SNAPC1: variants seen among roughly 807,000 people sequenced by gnomAD.
The protein encoded by SNAPC1 is snRNA-activating protein complex subunit 1.
Under a neutral mutation model 50.1 loss-of-function variants are expected in SNAPC1, and 42 were observed. The observed-to-expected ratio is 0.84, with a 90% CI of 0.65 to 1.08. SNAPC1 has a LOEUF of 1.08. Among genes scored for constraint, SNAPC1 ranks in the 50% least tolerant of loss-of-function variants. SNAPC1 has a pLI of 0.00. For synonymous variants in SNAPC1, 164 were observed against 144.2 expected (o/e 1.14, Z -0.98); for missense variants, 477 against 427.3 (o/e 1.12, Z -1.02).
In SNAPC1 at chr14:61,762,520, G is replaced by A. The variant is rs1438966350; in HGVS notation, c.60G>A (p.Glu20=). The change falls in exon 1 of 10, where the codon GAG becomes GAA. Residue 20 remains glutamate, a synonymous_variant. Transcript: ENST00000216294. ...DCEALLSRFQ[E]TDSVRFEDFT... Reference sequence around the variant, plus strand: ...AGGCGCTGCTCAGCCGCTTCCAGGAGACGGACAGTGTACGCTTCGAGGACT... The same window carrying A: ...AGGCGCTGCTCAGCCGCTTCCAGGAAACGGACAGTGTACGCTTCGAGGACT... 4.8e-6 allele frequency: 7 copies of A among 1,448,252 alleles called. No individual in the cohort carries two copies. The African/African-American group carries it at 8.2e-5, about 17-fold the overall frequency. 89.7% of individuals were successfully genotyped at this position (1,448,252 alleles called of 1,614,324 possible).
chr14:61,795,050 A>G lies in SNAPC1; in HGVS notation c.*67A>G, dbSNP rs546099976. ...AGAAGAAAAGATTGATATTTTGTGT[A>G]TTGAACAGGAAGACTGCCAGTATTA... On this transcript the variant is annotated 3_prime_UTR_variant, in exon 10 of 10. Coordinates refer to ENST00000216294, the MANE Select transcript of SNAPC1 (RefSeq NM_003082.4). 6 of 1,087,806 alleles carry G rather than the reference A, an allele frequency of 5.5e-6. No individual in the cohort carries two copies. In the Admixed American group the frequency reaches 1.5e-4, roughly 27 times the overall value. The allele number at this position is 1,087,806 out of a possible 1,614,324, so 67.4% of individuals were successfully genotyped here. A position where few individuals can be genotyped will look rare whatever the true frequency, so the allele number is the denominator to read the frequency against.
intron 5 of SNAPC1, 64 bp from the exon 6 acceptor site, chr14:61,778,008 G>A (rs1024677652): frequency 3.1e-5 from 22 of 712,966 alleles, no homozygotes; most frequent in Non-Finnish European, 4.5e-5. Flanking sequence ...AAATTGATTT[G>A]CAGTTAATTG....
At chr14:61,784,947 A>G (rs1480245376) in intron 8 of SNAPC1, among the ~76,000 whole-genome samples, 1 of 152,204 alleles carries the variant, frequency 6.6e-6, no homozygotes, top group Non-Finnish European at 1.5e-5. Context: ...AAAAAATTCT[A>G]AAGAGAATTT....
chr14:61,769,250 G>A (rs986940281), intron 4 of SNAPC1, among the ~76,000 whole-genome samples: 4 of 151,864 alleles, frequency 2.6e-5, no homozygotes, highest in Non-Finnish European at 5.9e-5. Context: ...CCCAGCTACT[G>A]GGGAGGCTGA....
At chr14:61,788,081 A>G (rs12431812) in intron 8 of SNAPC1, among the ~76,000 whole-genome samples, 23,344 of 152,158 alleles carry the variant, frequency 0.15, 2,165 homozygotes, top group South Asian at 0.32. Flanking sequence ...TTAGTTGCTG[A>G]AAACAACTGT....
At chr14:61,778,985 G>A in intron 7 of SNAPC1, 75 bp downstream of exon 7, 1 of 805,294 alleles carries the variant, frequency 1.2e-6, no homozygotes, top group East Asian at 2.5e-5. Flanking sequence ...CATCAAAGTA[G>A]TAATACATGT....
chr14:61,776,747 G>A (rs1594647056), intron 5 of SNAPC1, among the ~76,000 whole-genome samples: 2 of 152,352 alleles, frequency 1.3e-5, no homozygotes, highest in South Asian at 2.1e-4. Flanking sequence ...ACAGCAGACA[G>A]TGGGACCTGA....
At chr14:61,778,718 A>G (rs1396738768) in intron 6 of SNAPC1, 130 bp from the exon 7 acceptor site, 10 of 663,116 alleles carry the variant, frequency 1.5e-5, no homozygotes, top group Non-Finnish European at 2.7e-5. Flanking sequence ...TGTATACCCA[A>G]TGTATGTTAG....
intron 8 of SNAPC1, among the ~76,000 whole-genome samples, chr14:61,784,177 A>T (rs2045098365): frequency 6.6e-6 from 1 of 152,238 alleles, no homozygotes; most frequent in East Asian, 1.9e-4. Flanking sequence ...ATCAAGAAAT[A>T]GTTCAAAAGG....
At chr14:61,768,762 T>G (rs1360392814) in intron 4 of SNAPC1, 22 bp downstream of exon 4, 8 of 1,360,600 alleles carry the variant, frequency 5.9e-6, no homozygotes, top group Non-Finnish European at 7.3e-6. Flanking sequence ...TTTATGCTCT[T>G]GAAAATTTTT....
chr14:61,786,814 T>G (rs939298413), intron 8 of SNAPC1, among the ~76,000 whole-genome samples: 1 of 152,252 alleles, frequency 6.6e-6, no homozygotes, highest in African/African-American at 2.4e-5. Context: ...TCAAGAGAAA[T>G]GAACACTTAA....
Position 61,767,301 on chromosome 14 carries a change from T to A in SNAPC1, c.378T>A (p.Phe126Leu), listed in dbSNP as rs761979712. Reference protein sequence around the residue: ...NAQHFDAAYIFRKLRLDRAFH... With the variant: ...NAQHFDAAYILRKLRLDRAFH... ...AGCATTTTGATGCAGCTTATATTTT[T>A]AGGAAGCTACGACTAGACAGAGCAT... Residue 126 changes from phenylalanine (F) to leucine (L), a missense_variant, in exon 3 of 10, where the codon TTT becomes TTA. Phe to Leu is a conservative substitution (Grantham distance 22, BLOSUM62 0). Transcript: ENST00000216294. 1.1e-5 allele frequency: 17 copies of A among 1,526,220 alleles called. No individual in the cohort carries two copies. The highest frequency in any genetic ancestry group is 1.5e-5 in the Non-Finnish European group (17 of 1,136,912). 94.5% of individuals were successfully genotyped at this position (1,526,220 alleles called of 1,614,324 possible).
intron 4 of SNAPC1, among the ~76,000 whole-genome samples, chr14:61,770,391 C>T (rs1341326030): frequency 6.6e-6 from 1 of 152,116 alleles, no homozygotes; most frequent in African/African-American, 2.4e-5. Flanking sequence ...TACAGTTGTG[C>T]ACCACCATGC....
chr14:61,792,514 C>G (rs1333782278), intron 8 of SNAPC1, among the ~76,000 whole-genome samples: 1 of 152,116 alleles, frequency 6.6e-6, no homozygotes, highest in Non-Finnish European at 1.5e-5. Flanking sequence ...TAACCCCTGT[C>G]ATGTGTGGTA....
chr14:61,789,707 A>C (rs1054567482), intron 8 of SNAPC1, among the ~76,000 whole-genome samples: 1 of 152,188 alleles, frequency 6.6e-6, no homozygotes, highest in Admixed American at 6.5e-5. Flanking sequence ...TAAATGTTAA[A>C]AGTGCTGGAA....
rs149061218 is a variant in SNAPC1 at position 61,794,649 on chromosome 14, T to C, written c.1073-300T>C. Among the ~76,000 whole-genome samples, 945 of 152,184 alleles carry C rather than the reference T, an allele frequency of 6.2e-3. 4 individuals carry two copies. Among genetic ancestry groups the C allele is most frequent in the African/African-American group, 0.022 (903 of 41,516 alleles). The stretch of plus-strand genomic sequence containing the variant: ...GGTCTCGATCCCCTGACCTCATGAT[T>C]CGCCCACCTTAGCCTCCCAGAGTGC... On this transcript the variant is annotated intron_variant, in intron 9 of 9. Transcript: ENST00000216294.
chr14:61,763,305 C>G (rs2044922141), intron 1 of SNAPC1, among the ~76,000 whole-genome samples: 1 of 151,912 alleles, frequency 6.6e-6, no homozygotes, highest in Non-Finnish European at 1.5e-5. Context: ...AGTTGTTTTT[C>G]AAAAGTGCAA....
chr14:61,784,329 T>C (rs1463331152), intron 8 of SNAPC1, among the ~76,000 whole-genome samples: 2 of 152,194 alleles, frequency 1.3e-5, no homozygotes, highest in Non-Finnish European at 2.9e-5. Context: ...CTTGACTGAG[T>C]ACACTTATTT....
intron 7 of SNAPC1, among the ~76,000 whole-genome samples, chr14:61,781,093 A>C (rs10148237): frequency 0.35 from 52,591 of 151,866 alleles, 9,557 homozygotes; most frequent in South Asian, 0.44. Flanking sequence ...ATTTTGGTAT[A>C]CGAAGGAAGT....
Sources: gnomAD v4.1 joint callset for allele counts (sites outside exome capture counted in the v4.1 genomes callset) on GRCh38, gnomAD v4.1.1 for gene constraint, MANE v1.5 for transcripts, NCBI Gene and HGNC (gene_info 2026-07-23, HGNC 2026-07-21) for gene names.